The following PCDH11X variants were observed in gnomAD, a reference collection of about 807,000 sequenced individuals.
PCDH11X encodes the protein protocadherin 11 X-linked.
Under a neutral mutation model 53.3 loss-of-function variants are expected in PCDH11X, and 18 were observed. That is an observed-to-expected ratio of 0.34 (90% confidence interval 0.23 to 0.50). The LOEUF (loss-of-function observed/expected upper bound fraction) is 0.50, where lower values mean the gene tolerates loss of function less well. Ranked by LOEUF, PCDH11X falls within the 20% of genes least tolerant of loss-of-function variation. The pLI, the probability that PCDH11X is intolerant of heterozygous loss-of-function variation, is 0.98. For missense variants in PCDH11X, 570 were observed against 1,032.4 expected (o/e 0.55, Z 6.14); for synonymous variants, 279 against 393.3 (o/e 0.71, Z 3.44).
chrX:92,274,321 G>A (rs148432102), intron 8 of PCDH11X, among the ~76,000 whole-genome samples: 3,840 of 106,403 alleles, frequency 0.036, 173 homozygotes, highest in East Asian at 0.32. Flanking sequence ...GACGGAGGAC[G>A]GTAAGGGATA....
At chrX:92,606,385 A>C (rs72608346) in intron 10 of PCDH11X, among the ~76,000 whole-genome samples, 26,324 of 108,976 alleles carry the variant, frequency 0.24, 2,620 homozygotes, top group African/African-American at 0.33. Context: ...AATAGCAATC[A>C]ATGGACAATT....
At chrX:92,024,158 C>T (rs2148003841) in intron 6 of PCDH11X, among the ~76,000 whole-genome samples, 1 of 110,489 alleles carries the variant, frequency 9.1e-6, no homozygotes, top group South Asian at 3.9e-4. Context: ...TTGGAAGTTC[C>T]AGCTGGGGAA....
intron 5 of PCDH11X, among the ~76,000 whole-genome samples, chrX:91,854,330 G>C (rs1316524441): frequency 8.9e-6 from 1 of 111,973 alleles, no homozygotes; most frequent in Non-Finnish European, 1.9e-5. Context: ...CAAATGACAG[G>C]CTCTCATTCT....
rs185693585 is a variant in PCDH11X at position 92,389,856 on chromosome X, C to T, written c.3343+1923C>T. Among the ~76,000 whole-genome samples the T allele has an allele frequency of 2.8e-5, 3 of 107,836 alleles. No homozygotes were observed. The South Asian group carries it at 1.2e-3, about 43-fold the overall frequency. 93.6% of individuals were successfully genotyped at this position (107,836 alleles called of 115,157 possible). A position where few individuals can be genotyped will look rare whatever the true frequency, so the allele number is the denominator to read the frequency against. ...GGCTTTTTTTTTTAAAAAAAGGGTG[C>T]TTTCTGTTAGGAGCTAAACATTTCT... is the stretch of plus-strand genomic sequence containing the variant. On this transcript the variant is annotated intron_variant, in intron 9 of 10. Transcript: ENST00000682573.
intron 10 of PCDH11X, among the ~76,000 whole-genome samples, chrX:92,482,979 A>G (rs1006244944): frequency 9.2e-6 from 1 of 109,133 alleles, no homozygotes; most frequent in African/African-American, 3.3e-5. Context: ...AACATTAAAC[A>G]TAATATTTCC....
intron 10 of PCDH11X, among the ~76,000 whole-genome samples, chrX:92,516,656 T>A (rs1210251394): frequency 8.9e-6 from 1 of 112,242 alleles, no homozygotes; most frequent in Non-Finnish European, 1.9e-5. Flanking sequence ...TCAAATATGA[T>A]CAGTGTATTT....
intron 7 of PCDH11X, among the ~76,000 whole-genome samples, chrX:92,217,280 C>T (rs2066741064): frequency 9.1e-6 from 1 of 110,240 alleles, no homozygotes; most frequent in Admixed American, 9.7e-5. Flanking sequence ...GAGTCAAGAC[C>T]CATTAGTGTG....
chrX:92,360,181 A>T (rs887931837), intron 8 of PCDH11X, among the ~76,000 whole-genome samples: 20 of 111,463 alleles, frequency 1.8e-4, no homozygotes, highest in Non-Finnish European at 3.4e-4. Context: ...TTTATACTTT[A>T]TACTTTGTAA....
intron 1 of PCDH11X, among the ~76,000 whole-genome samples, chrX:91,794,496 G>A (rs1026334363): frequency 1.1e-4 from 12 of 111,699 alleles, no homozygotes; most frequent in Non-Finnish European, 2.3e-4. Flanking sequence ...TAGAATCTAG[G>A]TTAGGGATAA....
chrX:91,826,160 T>A (rs972048096), intron 4 of PCDH11X, among the ~76,000 whole-genome samples: 16 of 111,671 alleles, frequency 1.4e-4, no homozygotes, highest in Non-Finnish European at 2.6e-4. Flanking sequence ...GTTGAAATAG[T>A]AACTCATTGT....
intron 8 of PCDH11X, among the ~76,000 whole-genome samples, chrX:92,339,249 A>G (rs1488675618): frequency 2.7e-5 from 3 of 112,215 alleles, no homozygotes; most frequent in African/African-American, 9.7e-5. Context: ...GCCATCTGTC[A>G]CTGTATACAC....
chrX:91,880,675 A>G (rs1308069348), intron 6 of PCDH11X, among the ~76,000 whole-genome samples: 1 of 110,383 alleles, frequency 9.1e-6, no homozygotes, highest in East Asian at 2.8e-4. Context: ...TAGTGTCTGT[A>G]TAGAGAGCTT....
At chrX:92,352,945 T>C (rs1229664855) in intron 8 of PCDH11X, among the ~76,000 whole-genome samples, 5 of 109,521 alleles carry the variant, frequency 4.6e-5, no homozygotes, top group African/African-American at 1.7e-4. Flanking sequence ...ATTCCTGAAG[T>C]AGTTCTTGGA....
chrX:92,439,047 G>A (rs1201873217), intron 9 of PCDH11X, among the ~76,000 whole-genome samples: 1 of 110,643 alleles, frequency 9.0e-6, no homozygotes, highest in Non-Finnish European at 1.9e-5. Context: ...TAATACTTTT[G>A]TATTAGAAAA....
At chrX:92,522,301 A>G (rs1428382224) in intron 10 of PCDH11X, among the ~76,000 whole-genome samples, 1 of 111,827 alleles carries the variant, frequency 8.9e-6, no homozygotes, top group Non-Finnish European at 1.9e-5. Flanking sequence ...GTGTGTCAGG[A>G]AATAGGCCAG....
At chrX:91,926,071 AAC>A (rs1244925674) in intron 6 of PCDH11X, among the ~76,000 whole-genome samples, 2 of 48,429 alleles carry the variant, frequency 4.1e-5, no homozygotes, top group African/African-American at 1.6e-4. Context: ...CACACACACA[AAC>A]ACGCACACAC....
At position 92,543,084 on chromosome X, in the gene PCDH11X, G is replaced by A. The variant is rs1352612826; in HGVS notation, c.3367+74762G>A. 2.8e-5 allele frequency among the ~76,000 whole-genome samples: 3 copies of A among 105,927 alleles called. No individual in the cohort carries two copies. In the Admixed American group the frequency reaches 3.1e-4, roughly 11 times the overall value. The allele number at this position is 105,927 out of a possible 115,157, so 92.0% of individuals were successfully genotyped here. Reference sequence around the variant, plus strand: ...TCCACTTTTCCATTTAGAATAAAAGGAACTAGTGAGATTATATGATTTCTA... The same window carrying A: ...TCCACTTTTCCATTTAGAATAAAAGAAACTAGTGAGATTATATGATTTCTA... On this transcript the variant is annotated intron_variant, in intron 10 of 10. Coordinates refer to ENST00000682573, the MANE Select transcript of PCDH11X (RefSeq NM_032968.5).
intron 5 of PCDH11X, among the ~76,000 whole-genome samples, chrX:91,840,525 C>T (rs1937489606): frequency 9.0e-6 from 1 of 111,529 alleles, no homozygotes; most frequent in Admixed American, 9.6e-5. Flanking sequence ...TTTAAGTAAA[C>T]ATCTTCCCCA....
intron 7 of PCDH11X, among the ~76,000 whole-genome samples, chrX:92,262,800 G>A (rs755558123): frequency 9.0e-6 from 1 of 111,272 alleles, no homozygotes; most frequent in Admixed American, 9.6e-5. Flanking sequence ...TTGGAAGGGT[G>A]CCTTTTCTTG....
Sources: allele counts gnomAD v4.1 joint callset (sites outside exome capture counted in the v4.1 genomes callset), GRCh38; gene constraint gnomAD v4.1.1; transcripts MANE v1.5; gene names NCBI Gene and HGNC (gene_info 2026-07-23, HGNC 2026-07-21).